RASA2: variants seen among roughly 807,000 people sequenced by gnomAD.
The protein encoded by RASA2 is ras GTPase-activating protein 2.
A neutral mutation model predicts 118.2 loss-of-function variants in RASA2; 155 were observed. That is an observed-to-expected ratio of 1.31 (90% confidence interval 1.15 to 1.50). RASA2 has a LOEUF of 1.50. RASA2 is among the 40% of genes most tolerant of loss of function. RASA2 has a pLI of 0.00. For synonymous variants in RASA2, 353 were observed against 349.1 expected, an observed-to-expected ratio of 1.01 and a Z score of -0.12; for missense variants, 1,016 against 1,009.6, an observed-to-expected ratio of 1.01 and a Z score of -0.09.
chr3:141,604,156 C>A (rs1228703474), intron 19 of RASA2, among the ~76,000 whole-genome samples: 1 of 152,180 alleles, frequency 6.6e-6, no homozygotes, highest in African/African-American at 2.4e-5. Context: ...GTAATGACAA[C>A]TTTAAAACCT....
intron 4 of RASA2, among the ~76,000 whole-genome samples, chr3:141,536,076 A>C: frequency 6.6e-6 from 1 of 152,222 alleles, no homozygotes; most frequent in East Asian, 1.9e-4. Flanking sequence ...TAGCGTATAA[A>C]ATACTAAATC....
At chr3:141,580,056 A>AG (rs1298459070) in intron 15 of RASA2, among the ~76,000 whole-genome samples, 12 of 91,440 alleles carry the variant, frequency 1.3e-4, no homozygotes, top group Non-Finnish European at 2.2e-4. Context: ...ACTCCATCTC[A>AG]GGAAAAAAAA....
At chr3:141,506,006 AAG>A in intron 1 of RASA2, among the ~76,000 whole-genome samples, 1 of 152,334 alleles carries the variant, frequency 6.6e-6, no homozygotes, top group South Asian at 2.1e-4. Flanking sequence ...ACATTTGTGA[AAG>A]AGAAGAAATG....
intron 19 of RASA2, among the ~76,000 whole-genome samples, chr3:141,603,961 C>T (rs1223699881): frequency 6.6e-6 from 1 of 152,102 alleles, no homozygotes; most frequent in Non-Finnish European, 1.5e-5. Context: ...CAGATAATAC[C>T]ACATTTTGTT....
chr3:141,558,006 C>T (rs1043349187), intron 7 of RASA2, among the ~76,000 whole-genome samples: 5 of 152,218 alleles, frequency 3.3e-5, no homozygotes, highest in African/African-American at 1.2e-4. Flanking sequence ...TATTGACCAA[C>T]ACTCAAGGTT....
intron 3 of RASA2, among the ~76,000 whole-genome samples, chr3:141,522,490 A>G (rs771154445): frequency 6.6e-6 from 1 of 152,108 alleles, no homozygotes; most frequent in Non-Finnish European, 1.5e-5. Context: ...GGGAGGTGCA[A>G]GGTCAGCCAC....
Position 141,512,295 on chromosome 3 carries a change from T to G in RASA2, c.251+15T>G, listed in dbSNP as rs765333641. 6.6e-7 allele frequency: 1 copy of G among 1,512,306 alleles called. No individual in the cohort carries two copies. Among genetic ancestry groups the G allele is most frequent in the Non-Finnish European group, 9.0e-7 (1 of 1,107,838 alleles). The allele number at this position is 1,512,306 out of a possible 1,614,324, so 93.7% of individuals were successfully genotyped here. On this transcript the variant is annotated intron_variant, in intron 2 of 23. Coordinates refer to ENST00000286364, the MANE Select transcript of RASA2 (RefSeq NM_006506.5). ...AAATCTTTAAGGTTGGTAGAAAAAA[T>G]TGGTAAATTATAATTTTTACTATAT...
intron 19 of RASA2, among the ~76,000 whole-genome samples, chr3:141,599,126 T>C (rs1201479578): frequency 2.0e-5 from 3 of 151,384 alleles, no homozygotes; most frequent in African/African-American, 7.3e-5. Context: ...ACCAAAGAAG[T>C]ACAACACCTC....
At chr3:141,610,423 TA>T (rs1409316214) in intron 23 of RASA2, among the ~76,000 whole-genome samples, 4 of 115,074 alleles carry the variant, frequency 3.5e-5, no homozygotes, top group Middle Eastern at 7.6e-3. Context: ...TATATTTATA[TA>T]TTATATATTT....
rs1398443182 is a variant in RASA2, at chr3:141,615,135, T to G, written c.*2822T>G. The G allele has an allele frequency of 6.6e-6, 1 of 152,238 alleles. No homozygotes were observed. The highest frequency in any genetic ancestry group is 6.5e-5 in the Admixed American group (1 of 15,288). 9.4% of individuals were successfully genotyped at this position (152,238 alleles called of 1,614,324 possible). A position where few individuals can be genotyped will look rare whatever the true frequency, so the allele number is the denominator to read the frequency against. On this transcript the variant is annotated 3_prime_UTR_variant, in exon 24 of 24. Transcript: ENST00000286364. The stretch of plus-strand genomic sequence containing the variant: ...GCTTCCATTTTTATTAATTTGGAAA[T>G]TAATATGTTGCTAGTAAATATTGGT...
At chr3:141,603,711 A>C (rs904881596) in intron 19 of RASA2, among the ~76,000 whole-genome samples, 1 of 152,196 alleles carries the variant, frequency 6.6e-6, no homozygotes, top group Non-Finnish European at 1.5e-5. Flanking sequence ...TCACCACCCA[A>C]AAAGAAACCC....
chr3:141,590,129 G>C, intron 19 of RASA2: 1 of 456,414 alleles, frequency 2.2e-6, no homozygotes, highest in Non-Finnish European at 4.4e-6. Context: ...TTCTAAAAAA[G>C]AGTTCATTGA....
At chr3:141,597,937 T>TTC (rs2083400379) in intron 19 of RASA2, among the ~76,000 whole-genome samples, 1 of 152,186 alleles carries the variant, frequency 6.6e-6, no homozygotes, top group African/African-American at 2.4e-5. Context: ...TGAGCAACTT[T>TTC]ATATCAATAA....
intron 4 of RASA2, among the ~76,000 whole-genome samples, chr3:141,532,853 A>G (rs1180059417): frequency 3.3e-5 from 5 of 152,016 alleles, no homozygotes; most frequent in Admixed American, 6.6e-5. Flanking sequence ...TTATATTCCT[A>G]TGTTCACTGT....
chr3:141,585,126 A>G (rs72990349), intron 17 of RASA2, among the ~76,000 whole-genome samples: 4,507 of 152,010 alleles, frequency 0.03, 229 homozygotes, highest in African/African-American at 0.1. Context: ...TTAACCTATA[A>G]TAAAGGTTCA....
intron 17 of RASA2, 81 bp downstream of exon 17, chr3:141,581,258 T>C (rs2083109703): frequency 4.9e-6 from 5 of 1,029,532 alleles, no homozygotes; most frequent in African/African-American, 1.7e-5. Context: ...ATTATTATTA[T>C]CAATCCCCAG....
At chr3:141,597,847 AT>A (rs1347729453) in intron 19 of RASA2, among the ~76,000 whole-genome samples, 6 of 152,122 alleles carry the variant, frequency 3.9e-5, no homozygotes, top group Non-Finnish European at 8.8e-5. Context: ...AGAAAAAAAA[AT>A]CAAACACAAA....
At chr3:141,567,283 G>T (rs2082836657) in intron 9 of RASA2, among the ~76,000 whole-genome samples, 1 of 151,894 alleles carries the variant, frequency 6.6e-6, no homozygotes, top group South Asian at 2.1e-4. Flanking sequence ...CGGTGTGGTG[G>T]CCCGCGCCTG....
At chr3:141,495,812 T>C (rs188228447) in intron 1 of RASA2, among the ~76,000 whole-genome samples, 1 of 152,334 alleles carries the variant, frequency 6.6e-6, no homozygotes, top group East Asian at 1.9e-4. Context: ...ACGACTTAAA[T>C]GTACATCGGT....
Sources: gnomAD v4.1 joint callset for allele counts (sites outside exome capture counted in the v4.1 genomes callset) on GRCh38, gnomAD v4.1.1 for gene constraint, MANE v1.5 for transcripts, NCBI Gene and HGNC (gene_info 2026-07-23, HGNC 2026-07-21) for gene names.